Variants in PAM observed in about 807,000 individuals in gnomAD.
The protein encoded by PAM is peptidylglycine alpha-amidating monooxygenase, also known as peptidyl-glycine alpha-amidating monooxygenase.
A neutral mutation model predicts 122.1 loss-of-function variants in PAM; 72 were observed. The observed-to-expected ratio is 0.59, with a 90% CI of 0.49 to 0.72. The LOEUF (loss-of-function observed/expected upper bound fraction) is 0.72, where lower values mean the gene tolerates loss of function less well. PAM is among the 30% of genes least tolerant of loss of function. The probability of loss-of-function intolerance (pLI) is 0.00; values close to 1 mark genes in which losing one functional copy is unlikely to be tolerated. For missense variants in PAM, 1,106 were observed against 1,183.7 expected (o/e 0.93, Z 0.96); for synonymous variants, 389 against 404.4 (o/e 0.96, Z 0.46).
chr5:102,933,813 G>A (rs748943251), intron 7 of PAM, among the ~76,000 whole-genome samples: 17 of 152,232 alleles, frequency 1.1e-4, no homozygotes, highest in Non-Finnish European at 1.8e-4. Flanking sequence ...GCAGAGATCA[G>A]TGGCAAGGTA....
chr5:102,900,265 CG>C (rs1280721894), intron 3 of PAM, among the ~76,000 whole-genome samples: 5 of 22,526 alleles, frequency 2.2e-4, no homozygotes, highest in African/African-American at 7.2e-4. Flanking sequence ...GGGGGGGGGG[CG>C]GGGGGAAGAG....
At chr5:102,805,218 G>A (rs370019128) in intron 1 of PAM, among the ~76,000 whole-genome samples, 28 of 151,706 alleles carry the variant, frequency 1.8e-4, no homozygotes, top group African/African-American at 6.0e-4. Flanking sequence ...CTACAAGCAC[G>A]TGCTACCACC....
intron 7 of PAM, among the ~76,000 whole-genome samples, chr5:102,940,825 TG>T (rs1192540629): frequency 1.3e-5 from 2 of 152,086 alleles, no homozygotes; most frequent in African/African-American, 4.8e-5. Context: ...GGAGGATTTT[TG>T]GGTGCTGGTT....
intron 1 of PAM, among the ~76,000 whole-genome samples, chr5:102,786,620 T>C (rs865974326): frequency 1.3e-5 from 2 of 152,124 alleles, no homozygotes; most frequent in South Asian, 4.1e-4. Flanking sequence ...GCATCACAAA[T>C]GTAGTATAAT....
chr5:102,882,060 T>G (rs1235265368), intron 3 of PAM, among the ~76,000 whole-genome samples: 2 of 7,610 alleles, frequency 2.6e-4, no homozygotes, highest in Non-Finnish European at 5.0e-4. Flanking sequence ...GGAATATATA[T>G]ATATATATAT....
intron 1 of PAM, among the ~76,000 whole-genome samples, chr5:102,823,777 A>G (rs970652660): frequency 3.0e-4 from 45 of 152,180 alleles, no homozygotes; most frequent in African/African-American, 9.4e-4. Context: ...CTTGTAATCT[A>G]TGCTCATAAG....
Position 103,022,369 on chromosome 5 carries a change from A to G in PAM, c.2485+2526A>G, listed in dbSNP as rs538461907. 2.0e-5 allele frequency among the ~76,000 whole-genome samples: 3 copies of G among 152,192 alleles called. No homozygotes were observed. In the South Asian group the frequency reaches 6.2e-4, roughly 32 times the overall value. ...CTGGGATACAATTGCTGTATTAAGA[A>G]TGTCCTTCCCTTCCTGTCCAAGTTA... On this transcript the variant is annotated intron_variant, in intron 23 of 25. Transcript: ENST00000438793.
At position 102,843,724 on chromosome 5, in the gene PAM, AGATC is replaced by A. The variant is rs1245435183; in HGVS notation, c.-373-22098_-373-22095del. On this transcript the variant is annotated intron_variant, in intron 1 of 25. Transcript: ENST00000438793. ...ACATGAATAGACATTTCCCTGAGAA[AGATC>A]TATAGATGACACATAAGCCTTCTAT... 2.0e-5 allele frequency among the ~76,000 whole-genome samples: 3 copies of A among 152,230 alleles called. No individual in the cohort carries two copies. In the East Asian group the frequency reaches 5.8e-4, roughly 29 times the overall value.
intron 13 of PAM, among the ~76,000 whole-genome samples, chr5:102,960,832 C>T (rs1420806702): frequency 6.6e-6 from 1 of 151,412 alleles, no homozygotes; most frequent in Non-Finnish European, 1.5e-5. Context: ...CTTAAATGTT[C>T]TTAAAACAGT....
chr5:102,980,631 T>C (rs969851119), intron 15 of PAM, among the ~76,000 whole-genome samples: 1 of 152,182 alleles, frequency 6.6e-6, no homozygotes, highest in Non-Finnish European at 1.5e-5. Flanking sequence ...ATGCCTTTAT[T>C]CTTGATCATT....
At chr5:102,960,164 A>G (rs897405547) in intron 13 of PAM, 105 bp downstream of exon 13, 2 of 648,464 alleles carry the variant, frequency 3.1e-6, no homozygotes, top group South Asian at 4.7e-5. Context: ...CCCTTCTTCT[A>G]CCAGTCACAT....
chr5:102,829,214 CAA>C (rs1340130878), intron 1 of PAM, among the ~76,000 whole-genome samples: 2 of 151,896 alleles, frequency 1.3e-5, no homozygotes, highest in Non-Finnish European at 2.9e-5. Context: ...GTCATACGTA[CAA>C]AATGTATTCT....
chr5:102,975,073 TA>T (rs1767172076), intron 15 of PAM, among the ~76,000 whole-genome samples: 1 of 152,210 alleles, frequency 6.6e-6, no homozygotes, highest in South Asian at 2.1e-4. Flanking sequence ...GAAAATACCT[TA>T]TTCCCTTCAG....
intron 1 of PAM, among the ~76,000 whole-genome samples, chr5:102,864,917 G>A (rs963890493): frequency 1.3e-5 from 2 of 152,166 alleles, no homozygotes; most frequent in African/African-American, 4.8e-5. Flanking sequence ...ATATTTTCAA[G>A]TTTAACCTAG....
chr5:102,756,236 T>G (rs957325646), intron 1 of PAM, among the ~76,000 whole-genome samples: 1 of 152,184 alleles, frequency 6.6e-6, no homozygotes, highest in Non-Finnish European at 1.5e-5. Context: ...TTCAGGTCCT[T>G]TGGCTGAGAT....
intron 1 of PAM, among the ~76,000 whole-genome samples, chr5:102,778,421 A>T (rs940691432): frequency 6.6e-5 from 10 of 152,142 alleles, no homozygotes; most frequent in African/African-American, 2.4e-4. Context: ...CAAGAGGAAA[A>T]ATTAAGGTTT....
intron 1 of PAM, among the ~76,000 whole-genome samples, chr5:102,833,674 G>C (rs960176428): frequency 1.3e-5 from 2 of 152,052 alleles, no homozygotes; most frequent in Non-Finnish European, 2.9e-5. Flanking sequence ...TAATTTCTTA[G>C]AAAAAATCAG....
intron 12 of PAM, among the ~76,000 whole-genome samples, chr5:102,953,927 C>T (rs758127719): frequency 1.3e-5 from 2 of 152,044 alleles, no homozygotes; most frequent in Non-Finnish European, 2.9e-5. Context: ...GCTGGAGAAT[C>T]GCTTGAACCT....
chr5:102,782,056 G>T (rs1430084685), intron 1 of PAM, among the ~76,000 whole-genome samples: 1 of 152,194 alleles, frequency 6.6e-6, no homozygotes, highest in Non-Finnish European at 1.5e-5. Context: ...ACTTTGAACT[G>T]AATAAGGATG....
Sources: allele counts gnomAD v4.1 joint callset (sites outside exome capture counted in the v4.1 genomes callset), GRCh38; gene constraint gnomAD v4.1.1; transcripts MANE v1.5; gene names NCBI Gene and HGNC (gene_info 2026-07-23, HGNC 2026-07-21).